LCP1: variants seen among roughly 807,000 people sequenced by gnomAD.
LCP1 encodes plastin-2.
LCP1 carries 23 observed loss-of-function variants against 72.0 expected under a neutral mutation model. The observed-to-expected ratio is 0.32, with a 90% CI of 0.23 to 0.45. The LOEUF (loss-of-function observed/expected upper bound fraction) is 0.45, where lower values mean the gene tolerates loss of function less well. Ranked by LOEUF, LCP1 falls within the 20% of genes least tolerant of loss-of-function variation. The probability of loss-of-function intolerance (pLI) is 1.00; values close to 1 mark genes in which losing one functional copy is unlikely to be tolerated. For synonymous variants in LCP1, 245 were observed against 275.4 expected, an observed-to-expected ratio of 0.89 and a Z score of 1.09; for missense variants, 571 against 748.3, an observed-to-expected ratio of 0.76 and a Z score of 2.76.
In LCP1 at chr13:46,130,820, T is replaced by C. The variant is rs971494112; in HGVS notation, c.1745A>G (p.Asn582Ser). ...ENLNDDEKLN[N>S]AKYAISMARK... is the part of the protein sequence containing the mutation. The stretch of plus-strand genomic sequence containing the variant: ...TTTATTTTTATTTACGTACTTTGCA[T>C]TGTTGAGTTTCTCATCATCATTCAG... Residue 582 changes from asparagine (N) to serine (S), a missense_variant, in exon 15 of 16, where the codon AAT becomes AGT. Transcript: ENST00000323076. 1 of 1,612,686 alleles carries C rather than the reference T, an allele frequency of 6.2e-7. No homozygotes were observed. Among genetic ancestry groups the C allele is most frequent in the African/African-American group, 1.3e-5 (1 of 74,836 alleles).
chr13:46,162,564 G>A (rs1460225382), intron 1 of LCP1, among the ~76,000 whole-genome samples: 6 of 152,092 alleles, frequency 3.9e-5, no homozygotes, highest in Admixed American at 3.9e-4. Flanking sequence ...GGCCTCCGGA[G>A]GTGCTGGGAT....
At chr13:46,159,723 C>T in intron 1 of LCP1, 37 bp from the exon 2 acceptor site, 1 of 1,264,282 alleles carries the variant, frequency 7.9e-7, no homozygotes, top group East Asian at 2.3e-5. Context: ...AACTTTTGTG[C>T]ATTTGAATTC....
rs1482287362 is a variant in LCP1, at chr13:46,144,364, A to G, written c.1253+78T>C. On this transcript the variant is annotated intron_variant, in intron 11 of 15. Coordinates refer to ENST00000323076, the MANE Select transcript of LCP1 (RefSeq NM_002298.5). Reference sequence around the variant, plus strand: ...TGCACATTTTGTGAAGAGAATGCACATCATAGTGGTATTTGGAATCCTATG... The same window carrying G: ...TGCACATTTTGTGAAGAGAATGCACGTCATAGTGGTATTTGGAATCCTATG... 2.0e-5 allele frequency: 22 copies of G among 1,100,384 alleles called. No individual in the cohort carries two copies. The South Asian group carries it at 2.6e-4, about 13-fold the overall frequency. The allele number at this position is 1,100,384 out of a possible 1,614,324, so 68.2% of individuals were successfully genotyped here.
rs527364466 is a variant in LCP1 at position 46,145,908 on chromosome 13, C to CAAA, written c.1174+997_1174+999dup. Reference sequence around the variant, plus strand: ...TGGGCGACAGAGCGAGACTCCGTCTCAAAAAAAAAAAAAAAAAAAAAAAAA... The same window carrying CAAA: ...TGGGCGACAGAGCGAGACTCCGTCTCAAAAAAAAAAAAAAAAAAAAAAAAAAAA... On this transcript the variant is annotated intron_variant, in intron 10 of 15. Transcript: ENST00000323076. Among the ~76,000 whole-genome samples the CAAA allele has an allele frequency of 2.6e-4, 3 of 11,360 alleles. 1 individual carries two copies. The highest frequency in any genetic ancestry group is 1.4e-3 in the African/African-American group (2 of 1,470). 7.5% of individuals were successfully genotyped at this position (11,360 alleles called of 152,430 possible).
At chr13:46,151,161 C>A in intron 7 of LCP1, 83 bp from the exon 8 acceptor site, 2 of 1,377,048 alleles carry the variant, frequency 1.5e-6, no homozygotes, top group Admixed American at 2.4e-5. Context: ...TTAAGCTCTG[C>A]TAAAAAGCTA....
intron 7 of LCP1, 46 bp from the exon 8 acceptor site, chr13:46,151,124 G>T (rs2045761053): frequency 1.3e-6 from 2 of 1,575,990 alleles, no homozygotes; most frequent in South Asian, 1.2e-5. Context: ...AGCGATGTTG[G>T]GGGAGGGGGG....
intron 1 of LCP1, among the ~76,000 whole-genome samples, chr13:46,160,354 C>T (rs1285622301): frequency 6.6e-6 from 1 of 152,310 alleles, no homozygotes; most frequent in South Asian, 2.1e-4. Context: ...TAAGTCACTA[C>T]GTTTTAGAGT....
intron 1 of LCP1, among the ~76,000 whole-genome samples, chr13:46,163,254 G>T (rs1190084603): frequency 2.0e-5 from 3 of 152,264 alleles, no homozygotes; most frequent in Non-Finnish European, 4.4e-5. Flanking sequence ...TGTGTAGAAA[G>T]AAGTAGACAT....
rs960231932 is a variant in LCP1, at chr13:46,173,565, C to T, written c.-25+8546G>A. Among the ~76,000 whole-genome samples, 3 of 135,620 alleles carry T rather than the reference C, an allele frequency of 2.2e-5. No individual in the cohort carries two copies. The South Asian group carries it at 7.9e-4, about 36-fold the overall frequency. 89.0% of individuals were successfully genotyped at this position (135,620 alleles called of 152,430 possible). A position where few individuals can be genotyped will look rare whatever the true frequency, so the allele number is the denominator to read the frequency against. On this transcript the variant is annotated intron_variant, in intron 1 of 15. Transcript: ENST00000323076. ...TAAACTGTAGGAAATATTGTCAAGT[C>T]GCAACTTAAAAGCAAAGATTAGTTG...
At chr13:46,179,890 C>T (rs563539376) in intron 1 of LCP1, among the ~76,000 whole-genome samples, 22 of 151,984 alleles carry the variant, frequency 1.4e-4, no homozygotes, top group Admixed American at 2.6e-4. Flanking sequence ...AGTTCTTCAG[C>T]CCATTATTAT....
In LCP1 at chr13:46,126,685, C is replaced by T. The variant is rs190441898; in HGVS notation, c.*906G>A. 277 of 231,678 alleles carry T rather than the reference C, an allele frequency of 1.2e-3. No homozygotes were observed. The highest frequency in any genetic ancestry group is 5.8e-3 in the African/African-American group (263 of 45,350). 14.4% of individuals were successfully genotyped at this position (231,678 alleles called of 1,614,324 possible). ...ACAGTAACTAGATCTAATGTGAGGGCTAAATGCCTGGAGAGGCAGAACCCT... is the reference window on the plus strand; with the variant it reads ...ACAGTAACTAGATCTAATGTGAGGGTTAAATGCCTGGAGAGGCAGAACCCT... On this transcript the variant is annotated 3_prime_UTR_variant, in exon 16 of 16. Transcript: ENST00000323076.
intron 1 of LCP1, among the ~76,000 whole-genome samples, chr13:46,171,000 T>G (rs2045902105): frequency 6.6e-6 from 1 of 152,194 alleles, no homozygotes; most frequent in Non-Finnish European, 1.5e-5. Flanking sequence ...TCTTCATTCA[T>G]CAGAGACTCC....
Position 46,133,991 on chromosome 13 carries a change from G to T in LCP1, c.1626+136C>A. On this transcript the variant is annotated intron_variant, in intron 14 of 15. Coordinates refer to ENST00000323076, the MANE Select transcript of LCP1 (RefSeq NM_002298.5). Reference sequence around the variant, plus strand: ...GGCTGATGAACATCAAAACAATAACGAGTCATTTAAGCAAAATTGAAATGG... The same window carrying T: ...GGCTGATGAACATCAAAACAATAACTAGTCATTTAAGCAAAATTGAAATGG... 4 of 667,084 alleles carry T rather than the reference G, an allele frequency of 6.0e-6. No individual in the cohort carries two copies. The South Asian group carries it at 1.1e-4, about 19-fold the overall frequency. 41.3% of individuals were successfully genotyped at this position (667,084 alleles called of 1,614,324 possible). A position where few individuals can be genotyped will look rare whatever the true frequency, so the allele number is the denominator to read the frequency against.
intron 15 of LCP1, among the ~76,000 whole-genome samples, chr13:46,128,345 TC>T (rs1309445476): frequency 1.3e-5 from 2 of 152,038 alleles, no homozygotes; most frequent in Non-Finnish European, 2.9e-5. Context: ...ACGCCTGTAA[TC>T]CCAACACTTC....
At chr13:46,130,151 G>A (rs1374763004) in intron 15 of LCP1, among the ~76,000 whole-genome samples, 1 of 152,178 alleles carries the variant, frequency 6.6e-6, no homozygotes, top group African/African-American at 2.4e-5. Context: ...GGAAACTAAC[G>A]GAATCTGATC....
chr13:46,140,936 G>C (rs532510570), intron 13 of LCP1, among the ~76,000 whole-genome samples: 1 of 152,146 alleles, frequency 6.6e-6, no homozygotes, highest in Non-Finnish European at 1.5e-5. Flanking sequence ...AATCACTAAA[G>C]CATCGGTGAG....
chr13:46,156,474 T>A lies in LCP1; in HGVS notation c.455A>T (p.Asp152Val). ...GCCATCTCCAACAGCATTAAAGAGA[T>A]CATTCGTGTTTGGGTTCATTGGGAT... ...HVIPMNPNTNDLFNAVGDGIV... is the reference protein window; with the variant it reads ...HVIPMNPNTNVLFNAVGDGIV... The change falls in exon 5 of 16, where the codon GAT (aspartate) becomes GTT (valine). Residue 152 changes from aspartate to valine, a missense_variant. Transcript: ENST00000323076. 2.5e-6 allele frequency: 4 copies of A among 1,614,154 alleles called. No individual in the cohort carries two copies. Among genetic ancestry groups the A allele is most frequent in the Non-Finnish European group, 2.5e-6 (3 of 1,180,004 alleles).
chr13:46,175,303 A>ATTTC (rs1566447467), intron 1 of LCP1, among the ~76,000 whole-genome samples: 2 of 152,160 alleles, frequency 1.3e-5, no homozygotes, highest in Non-Finnish European at 2.9e-5. Context: ...GGAAGGGGAA[A>ATTTC]ATAACCCACA....
intron 8 of LCP1, 67 bp downstream of exon 8, chr13:46,150,869 T>C: frequency 1.3e-6 from 2 of 1,524,464 alleles, no homozygotes; most frequent in Non-Finnish European, 1.8e-6. Context: ...CTTTATCTTT[T>C]CTTTATTATT....
Sources: allele counts gnomAD v4.1 joint callset (sites outside exome capture counted in the v4.1 genomes callset), GRCh38; gene constraint gnomAD v4.1.1; transcripts MANE v1.5; gene names NCBI Gene and HGNC (gene_info 2026-07-23, HGNC 2026-07-21).